TCF7L1: variants seen among roughly 807,000 people sequenced by gnomAD.
The protein encoded by TCF7L1 is transcription factor 7-like 1.
Under a neutral mutation model 63.7 loss-of-function variants are expected in TCF7L1, and 18 were observed. The ratio of observed to expected loss-of-function variants is 0.28; its 90% CI spans 0.20 to 0.42. TCF7L1 has a LOEUF of 0.42. Among genes scored for constraint, TCF7L1 ranks in the 10% least tolerant of loss-of-function variants. TCF7L1 has a pLI of 1.00. For missense variants in TCF7L1, 654 were observed against 779.3 expected (o/e 0.84, Z 1.91); for synonymous variants, 355 against 340.9 (o/e 1.04, Z -0.46).
In TCF7L1 at chr2:85,284,449, G is replaced by T. The variant is rs1681495338; in HGVS notation, c.525+871G>T. 2.6e-5 allele frequency among the ~76,000 whole-genome samples: 4 copies of T among 152,210 alleles called. No homozygotes were observed. In the South Asian group the frequency reaches 8.3e-4, roughly 32 times the overall value. ...GGAAAGGAGGGTCTGGACAATCCTG[G>T]GAGACAGGAGCAGTGGATCCAAGCA... On this transcript the variant is annotated intron_variant, in intron 4 of 11. Transcript: ENST00000282111.
chr2:85,254,461 G>C (rs1056010536), intron 3 of TCF7L1, among the ~76,000 whole-genome samples: 2 of 152,192 alleles, frequency 1.3e-5, no homozygotes, highest in African/African-American at 2.4e-5. Flanking sequence ...GGGCTTGAAG[G>C]TTGTTTCATA....
At chr2:85,140,913 C>CATAG (rs1553393102) in intron 3 of TCF7L1, among the ~76,000 whole-genome samples, 1 of 151,310 alleles carries the variant, frequency 6.6e-6, no homozygotes, top group South Asian at 2.1e-4. Context: ...GAGAGAGAGA[C>CATAG]AGAAGAGAGA....
chr2:85,194,925 T>C (rs543259388), intron 3 of TCF7L1, among the ~76,000 whole-genome samples: 2 of 152,210 alleles, frequency 1.3e-5, no homozygotes, highest in Non-Finnish European at 2.9e-5. Context: ...GTAGTCCTTA[T>C]TGCAAAAGGT....
chr2:85,295,775 C>CTTTTTTTTTTTTTTTTTT (rs56373561), intron 4 of TCF7L1, among the ~76,000 whole-genome samples: 1 of 100,884 alleles, frequency 9.9e-6, no homozygotes, highest in Non-Finnish European at 1.8e-5. Context: ...GTAACATTTA[C>CTTTTTTTTTTTTTTTTTT]TTTTTTTTTT....
chr2:85,173,164 AACAAGCTTGTC>A (rs1278289294), intron 3 of TCF7L1, among the ~76,000 whole-genome samples: 3 of 152,258 alleles, frequency 2.0e-5, no homozygotes, highest in Non-Finnish European at 4.4e-5. Flanking sequence ...AAATGAAGAT[AACAAGCTTGTC>A]TTCTCCCCAT....
At chr2:85,252,909 T>A (rs1199451181) in intron 3 of TCF7L1, among the ~76,000 whole-genome samples, 2 of 152,198 alleles carry the variant, frequency 1.3e-5, no homozygotes, top group Non-Finnish European at 2.9e-5. Context: ...TTTTAAAACC[T>A]CAGAAAACCT....
At chr2:85,245,039 C>A (rs145407739) in intron 3 of TCF7L1, among the ~76,000 whole-genome samples, 1 of 152,160 alleles carries the variant, frequency 6.6e-6, no homozygotes, top group Non-Finnish European at 1.5e-5. Context: ...AAATGCAGGT[C>A]TTTGCTGTCC....
chr2:85,205,921 G>C (rs1679398691), intron 3 of TCF7L1, among the ~76,000 whole-genome samples: 1 of 152,234 alleles, frequency 6.6e-6, no homozygotes, highest in Admixed American at 6.5e-5. Context: ...CACTTTAGTT[G>C]GATCCTGGAG....
intron 3 of TCF7L1, among the ~76,000 whole-genome samples, chr2:85,257,012 A>G (rs1680734140): frequency 6.6e-6 from 1 of 151,714 alleles, no homozygotes; most frequent in South Asian, 2.1e-4. Context: ...TTAAAAATTC[A>G]CTAGAGCCTG....
chr2:85,249,755 C>G (rs1319229642), intron 3 of TCF7L1, among the ~76,000 whole-genome samples: 1 of 152,134 alleles, frequency 6.6e-6, no homozygotes, highest in South Asian at 2.1e-4. Flanking sequence ...AGGCCTTTTC[C>G]TGGGAGAGTA....
intron 3 of TCF7L1, among the ~76,000 whole-genome samples, chr2:85,137,922 A>G (rs1302292914): frequency 2.0e-5 from 3 of 151,992 alleles, no homozygotes; most frequent in Non-Finnish European, 4.4e-5. Flanking sequence ...AAGAAAGAAA[A>G]TGTAAGTCAA....
rs115734205 is a variant in TCF7L1, at chr2:85,252,371, G to A, written c.442-31124G>A. ...GTAGATAATTCACCTACGTGGTCTCGGGCAGTTATACCCTGTGATAATTTA... is the reference window on the plus strand; with the variant it reads ...GTAGATAATTCACCTACGTGGTCTCAGGCAGTTATACCCTGTGATAATTTA... On this transcript the variant is annotated intron_variant, in intron 3 of 11. Coordinates refer to ENST00000282111, the MANE Select transcript of TCF7L1 (RefSeq NM_031283.3). Among the ~76,000 whole-genome samples the A allele has an allele frequency of 2.3e-3, 356 of 152,270 alleles. 1 individual carries two copies. The highest frequency in any genetic ancestry group is 8.1e-3 in the African/African-American group (337 of 41,542).
intron 3 of TCF7L1, among the ~76,000 whole-genome samples, chr2:85,230,161 A>T (rs1349652436): frequency 1.3e-5 from 2 of 152,122 alleles, no homozygotes; most frequent in Non-Finnish European, 2.9e-5. Flanking sequence ...TATCCTAAGC[A>T]CTTTCTTCAG....
intron 3 of TCF7L1, among the ~76,000 whole-genome samples, chr2:85,153,756 TTC>T (rs1678077221): frequency 6.6e-6 from 1 of 152,238 alleles, no homozygotes; most frequent in African/African-American, 2.4e-5. Flanking sequence ...GCTGTCATAT[TTC>T]TCTTTTGATG....
Position 85,284,252 on chromosome 2 carries a change from C to T in TCF7L1, c.525+674C>T, listed in dbSNP as rs570168276. ...GTCTCGATCTCCTGACCTCGTGATC[C>T]GCCAGCCTTGGCCTCCCAAAGTGCT... is the stretch of plus-strand genomic sequence containing the variant. On this transcript the variant is annotated intron_variant, in intron 4 of 11. Transcript: ENST00000282111. Among the ~76,000 whole-genome samples, 93 of 152,292 alleles carry T rather than the reference C, an allele frequency of 6.1e-4. 2 individuals are homozygous for T. The South Asian group carries it at 0.018, about 30-fold the overall frequency.
chr2:85,153,693 A>G (rs542989517), intron 3 of TCF7L1, among the ~76,000 whole-genome samples: 64 of 152,232 alleles, frequency 4.2e-4, no homozygotes, highest in Admixed American at 2.9e-3. Context: ...ACACTAACTT[A>G]TGTTTAATTT....
At chr2:85,221,507 G>C (rs74619550) in intron 3 of TCF7L1, among the ~76,000 whole-genome samples, 1,987 of 152,298 alleles carry the variant, frequency 0.013, 58 homozygotes, top group African/African-American at 0.046. Context: ...GCCGACATCT[G>C]CTCAGCATCT....
intron 3 of TCF7L1, among the ~76,000 whole-genome samples, chr2:85,279,925 C>T (rs568206479): frequency 6.6e-6 from 1 of 152,308 alleles, no homozygotes; most frequent in East Asian, 1.9e-4. Flanking sequence ...GTGGTCTCCT[C>T]CCAGCAGAAG....
chr2:85,229,919 G>A (rs1680039719), intron 3 of TCF7L1, among the ~76,000 whole-genome samples: 1 of 152,132 alleles, frequency 6.6e-6, no homozygotes, highest in South Asian at 2.1e-4. Context: ...GCGGCAGGAG[G>A]ATCGCTTGAA....
Sources: allele counts gnomAD v4.1 joint callset (sites outside exome capture counted in the v4.1 genomes callset), GRCh38; gene constraint gnomAD v4.1.1; transcripts MANE v1.5; gene names NCBI Gene and HGNC (gene_info 2026-07-23, HGNC 2026-07-21).